PPP1R14C: variants seen among roughly 807,000 people sequenced by gnomAD.
The protein encoded by PPP1R14C is protein phosphatase 1 regulatory subunit 14C.
Under a neutral mutation model 20.4 loss-of-function variants are expected in PPP1R14C, and 16 were observed. The observed-to-expected ratio is 0.78, with a 90% CI of 0.53 to 1.19. PPP1R14C has a LOEUF of 1.19. Among genes scored for constraint, PPP1R14C ranks in the 50% most tolerant of loss-of-function variants. The pLI, the probability that PPP1R14C is intolerant of heterozygous loss-of-function variation, is 0.00. For synonymous variants in PPP1R14C, 91 were observed against 91.0 expected, an observed-to-expected ratio of 1.00 and a Z score of 0.00; for missense variants, 211 against 220.1, an observed-to-expected ratio of 0.96 and a Z score of 0.26.
chr6:150,148,813 C>T lies in PPP1R14C; in HGVS notation c.306+5315C>T, dbSNP rs9478508. Among the ~76,000 whole-genome samples, 601 of 152,310 alleles carry T rather than the reference C, an allele frequency of 3.9e-3. 4 individuals are homozygous for T. The highest frequency in any genetic ancestry group is 0.013 in the African/African-American group (549 of 41,566). On this transcript the variant is annotated intron_variant, in intron 1 of 3. Transcript: ENST00000361131. Reference sequence around the variant, plus strand: ...CAGTGGATAAAGCCAGGCATGGTGGCTCTAGCCTGTAATCCCAGCACTGAC... The same window carrying T: ...CAGTGGATAAAGCCAGGCATGGTGGTTCTAGCCTGTAATCCCAGCACTGAC...
chr6:150,242,147 C>A (rs1001678935), intron 3 of PPP1R14C, among the ~76,000 whole-genome samples: 14 of 152,092 alleles, frequency 9.2e-5, no homozygotes, highest in Admixed American at 1.3e-4. Flanking sequence ...ACAACAACAA[C>A]AAAAACCCTC....
chr6:150,243,780 C>T (rs1086206), intron 3 of PPP1R14C, among the ~76,000 whole-genome samples: 68,586 of 151,962 alleles, frequency 0.45, 16,604 homozygotes, highest in African/African-American at 0.64. Context: ...CACATTTCTA[C>T]CAACAGGTGG....
chr6:150,234,141 G>A (rs923118860), intron 3 of PPP1R14C, among the ~76,000 whole-genome samples: 1 of 152,194 alleles, frequency 6.6e-6, no homozygotes, highest in African/African-American at 2.4e-5. Context: ...CCCTGCTGCA[G>A]AGGGAAGTAG....
chr6:150,190,332 C>T (rs529021386), intron 1 of PPP1R14C, among the ~76,000 whole-genome samples: 2 of 151,938 alleles, frequency 1.3e-5, no homozygotes, highest in Admixed American at 6.6e-5. Flanking sequence ...CTTTTCTCCA[C>T]GGCACTTCCT....
chr6:150,143,459 A>G lies in PPP1R14C; in HGVS notation c.267A>G (p.Glu89=), dbSNP rs1347635102. ...TTCGGAAGCGGCTGGTGCTGGAGGA[A>G]TGGATCGTGGAGCAGCTGGGTCAGC... ...KELRKRLVLE[E]WIVEQLGQLY... is the part of the protein sequence containing the mutation. The change falls in exon 1 of 4, where the codon GAA becomes GAG. Residue 89 remains glutamate, a synonymous_variant. Transcript: ENST00000361131. This position sits in a 1 kb window ranked among gnomAD's most constrained non-coding sequence, Gnocchi z 5.6. 1 of 1,432,474 alleles carries G rather than the reference A, an allele frequency of 7.0e-7. No homozygotes were observed. The highest frequency in any genetic ancestry group is 1.1e-5 in the South Asian group (1 of 88,022). 88.7% of individuals were successfully genotyped at this position (1,432,474 alleles called of 1,614,324 possible). A position where few individuals can be genotyped will look rare whatever the true frequency, so the allele number is the denominator to read the frequency against.
intron 3 of PPP1R14C, among the ~76,000 whole-genome samples, chr6:150,228,049 T>G (rs867887677): frequency 1.3e-5 from 2 of 152,230 alleles, no homozygotes; most frequent in African/African-American, 2.4e-5. Flanking sequence ...CTCTGTCAAC[T>G]CTTCACTGCC....
rs572913469 is a variant in PPP1R14C at position 150,191,544 on chromosome 6, C to T, written c.307-23200C>T. Reference sequence around the variant, plus strand: ...GCAGCAGTGTGACAGAGGGCAAGGACCATAACACCTGCTCTTAGAATCTTC... The same window carrying T: ...GCAGCAGTGTGACAGAGGGCAAGGATCATAACACCTGCTCTTAGAATCTTC... On this transcript the variant is annotated intron_variant, in intron 1 of 3. Transcript: ENST00000361131. 2.6e-5 allele frequency among the ~76,000 whole-genome samples: 4 copies of T among 152,322 alleles called. No individual in the cohort carries two copies. In the South Asian group the frequency reaches 8.3e-4, roughly 32 times the overall value.
At chr6:150,198,112 G>A (rs56189143) in intron 1 of PPP1R14C, among the ~76,000 whole-genome samples, 53 of 128,442 alleles carry the variant, frequency 4.1e-4, no homozygotes, top group African/African-American at 1.6e-3. Flanking sequence ...TGCCCGTCAC[G>A]GTGGAGGAGG....
chr6:150,213,055 A>G (rs1404385592), intron 1 of PPP1R14C, among the ~76,000 whole-genome samples: 2 of 152,114 alleles, frequency 1.3e-5, no homozygotes, highest in African/African-American at 4.8e-5. Context: ...ACAAATATGA[A>G]AATTATGTCG....
chr6:150,236,631 G>A (rs1778363814), intron 3 of PPP1R14C, among the ~76,000 whole-genome samples: 1 of 151,418 alleles, frequency 6.6e-6, no homozygotes, highest in Non-Finnish European at 1.5e-5. Flanking sequence ...GTGTGTGTGT[G>A]TGTGTGTGCG....
At chr6:150,228,682 G>A (rs573524764) in intron 3 of PPP1R14C, among the ~76,000 whole-genome samples, 3 of 152,070 alleles carry the variant, frequency 2.0e-5, no homozygotes, top group South Asian at 4.2e-4. Flanking sequence ...TCTTGGCACC[G>A]TACCCCAAGT....
In PPP1R14C at chr6:150,143,339, C is replaced by A. The variant is rs112493035; in HGVS notation, c.147C>A (p.Pro49=). Reference sequence around the variant, plus strand: ...GCTCCTCCCGGGAGGACTCGGCGCCCGTGGCCACGGCGGCCGCTGCAGGGC... The same window carrying A: ...GCTCCTCCCGGGAGGACTCGGCGCCAGTGGCCACGGCGGCCGCTGCAGGGC... The part of the protein sequence containing the change: ...GSGSSREDSA[P]VATAAAAGQV... Residue 49 remains proline (P), a synonymous_variant, in exon 1 of 4, where the codon CCC becomes CCA. Transcript: ENST00000361131. This position sits in a 1 kb window ranked among gnomAD's most constrained non-coding sequence, Gnocchi z 5.6. 1.2e-6 allele frequency: 2 copies of A among 1,604,440 alleles called. No individual in the cohort carries two copies. The highest frequency in any genetic ancestry group is 1.1e-5 in the South Asian group (1 of 89,698).
chr6:150,237,926 A>G (rs1053581433), intron 3 of PPP1R14C, among the ~76,000 whole-genome samples: 2 of 152,126 alleles, frequency 1.3e-5, no homozygotes, highest in Non-Finnish European at 2.9e-5. Context: ...GGGTTCTTCT[A>G]TATTTGTAAG....
chr6:150,205,244 A>G (rs1360320127), intron 1 of PPP1R14C, among the ~76,000 whole-genome samples: 1 of 152,086 alleles, frequency 6.6e-6, no homozygotes, highest in Non-Finnish European at 1.5e-5. Context: ...CGCCGCCCCC[A>G]GGCAGTTCAG....
intron 1 of PPP1R14C, among the ~76,000 whole-genome samples, chr6:150,177,584 GTC>G (rs1350949589): frequency 6.6e-6 from 1 of 152,102 alleles, no homozygotes. Flanking sequence ...GTCCCTCTCT[GTC>G]TCTCTCTCCC....
intron 1 of PPP1R14C, among the ~76,000 whole-genome samples, chr6:150,156,962 C>T (rs1777312497): frequency 6.6e-6 from 1 of 152,192 alleles, no homozygotes; most frequent in Non-Finnish European, 1.5e-5. Flanking sequence ...GACTCCAAAG[C>T]ATTTAGCTGC....
At chr6:150,195,957 C>G (rs1433563185) in intron 1 of PPP1R14C, 2 of 985,304 alleles carry the variant, frequency 2.0e-6, no homozygotes, top group African/African-American at 3.5e-5. Context: ...TGTCCAAGGA[C>G]TGAAGACCTG....
intron 3 of PPP1R14C, 34 bp from the exon 4 acceptor site, chr6:150,248,712 G>T: frequency 7.3e-7 from 1 of 1,368,718 alleles, no homozygotes; most frequent in South Asian, 1.2e-5. Context: ...TTTTAATAGT[G>T]ACCCTCATAT....
chr6:150,188,688 A>G (rs920163720), intron 1 of PPP1R14C, among the ~76,000 whole-genome samples: 1 of 150,522 alleles, frequency 6.6e-6, no homozygotes, highest in African/African-American at 2.4e-5. Context: ...GGGTTTCACC[A>G]TGTTAGCCAG....
Sources: gnomAD v4.1 joint callset for allele counts (sites outside exome capture counted in the v4.1 genomes callset) on GRCh38, gnomAD v4.1.1 for gene constraint, Gnocchi (gnomAD v3.1) non-coding constraint, MANE v1.5 for transcripts, NCBI Gene and HGNC (gene_info 2026-07-23, HGNC 2026-07-21) for gene names.